Variants in HCN1 observed in about 807,000 individuals in gnomAD.
HCN1 encodes the protein hyperpolarization activated cyclic nucleotide gated potassium channel 1, also known as potassium/sodium hyperpolarization-activated cyclic nucleotide-gated channel 1.
Under a neutral mutation model 78.9 loss-of-function variants are expected in HCN1, and 13 were observed. That is an observed-to-expected ratio of 0.16 (90% confidence interval 0.11 to 0.26). HCN1 has a LOEUF of 0.26. Ranked by LOEUF, HCN1 falls within the 10% of genes least tolerant of loss-of-function variation. The pLI, the probability that HCN1 is intolerant of heterozygous loss-of-function variation, is 1.00. For synonymous variants in HCN1, 552 were observed against 455.5 expected (o/e 1.21, Z -2.70); for missense variants, 810 against 1,154.3 (o/e 0.70, Z 4.32).
At chr5:45,653,563 C>A (rs1217813589) in intron 1 of HCN1, among the ~76,000 whole-genome samples, 1 of 151,910 alleles carries the variant, frequency 6.6e-6, no homozygotes, top group African/African-American at 2.4e-5. Flanking sequence ...AAATTAGTAT[C>A]TGCGTTAATG....
At chr5:45,370,335 C>G (rs902851817) in intron 4 of HCN1, among the ~76,000 whole-genome samples, 3 of 151,920 alleles carry the variant, frequency 2.0e-5, no homozygotes, top group Admixed American at 1.3e-4. Context: ...TCCCTATTTT[C>G]CTGCCTTAAA....
intron 2 of HCN1, among the ~76,000 whole-genome samples, chr5:45,538,486 G>T (rs1431380123): frequency 6.6e-6 from 1 of 152,122 alleles, no homozygotes; most frequent in Non-Finnish European, 1.5e-5. Flanking sequence ...ATTAGGAAAT[G>T]CAATTTCGTG....
chr5:45,346,726 T>C (rs147988437), intron 5 of HCN1, among the ~76,000 whole-genome samples: 4,539 of 152,298 alleles, frequency 0.03, 263 homozygotes, highest in African/African-American at 0.1. Flanking sequence ...TGCACCTGGC[T>C]TGGAGGGTCC....
At chr5:45,278,390 A>C (rs1745104503) in intron 6 of HCN1, among the ~76,000 whole-genome samples, 1 of 152,104 alleles carries the variant, frequency 6.6e-6, no homozygotes, top group African/African-American at 2.4e-5. Context: ...TCTTTGTGCA[A>C]GATAACAGAA....
At chr5:45,653,671 A>G (rs1323394126) in intron 1 of HCN1, among the ~76,000 whole-genome samples, 3 of 152,084 alleles carry the variant, frequency 2.0e-5, no homozygotes, top group African/African-American at 4.8e-5. Context: ...TTATAGCATT[A>G]CACAATTCTA....
intron 5 of HCN1, among the ~76,000 whole-genome samples, chr5:45,350,687 C>T (rs1285334652): frequency 1.3e-5 from 2 of 150,730 alleles, no homozygotes; most frequent in African/African-American, 2.4e-5. Flanking sequence ...TCTCAGGATA[C>T]AAAATCAATG....
intron 5 of HCN1, among the ~76,000 whole-genome samples, chr5:45,345,282 C>T (rs1052998517): frequency 6.6e-6 from 1 of 152,140 alleles, no homozygotes; most frequent in African/African-American, 2.4e-5. Flanking sequence ...TCCCCCTAGA[C>T]CTCCAGGTCT....
In HCN1 at chr5:45,560,779, T is replaced by C. The variant is rs566556444; in HGVS notation, c.849+84406A>G. 1.8e-3 allele frequency among the ~76,000 whole-genome samples: 270 copies of C among 152,198 alleles called. 1 individual carries two copies. Among genetic ancestry groups the C allele is most frequent in the African/African-American group, 6.2e-3 (259 of 41,582 alleles). On this transcript the variant is annotated intron_variant, in intron 2 of 7. Coordinates refer to ENST00000303230, the MANE Select transcript of HCN1 (RefSeq NM_021072.4). The stretch of plus-strand genomic sequence containing the variant: ...TCTAATGCTGTTTATCTAGTAATAA[T>C]CTGAAGACTTAACACAGTCATATTG...
intron 3 of HCN1, among the ~76,000 whole-genome samples, chr5:45,399,022 A>G (rs189788483): frequency 1.7e-4 from 26 of 152,252 alleles, no homozygotes; most frequent in Admixed American, 1.6e-3. Flanking sequence ...TTGTCTTGGA[A>G]TTTAGGTGGG....
Position 45,574,819 on chromosome 5 carries a change from G to C in HCN1, c.849+70366C>G, listed in dbSNP as rs556899633. ...CTTGCTGTTGATGTGGAGAAAGTTT[G>C]AGTGGTCTGGATAGAAGATCAAATC... On this transcript the variant is annotated intron_variant, in intron 2 of 7. Transcript: ENST00000303230. The C allele has an allele frequency of 2.0e-5, 3 of 152,318 alleles. No individual in the cohort carries two copies. The East Asian group carries it at 5.8e-4, about 29-fold the overall frequency. 9.4% of individuals were successfully genotyped at this position (152,318 alleles called of 1,614,324 possible).
At chr5:45,690,937 A>C (rs1268266783) in intron 1 of HCN1, among the ~76,000 whole-genome samples, 1 of 152,100 alleles carries the variant, frequency 6.6e-6, no homozygotes, top group African/African-American at 2.4e-5. Context: ...TTATCTGCTA[A>C]ACACAAGAAT....
At chr5:45,605,625 T>C (rs1031994223) in intron 2 of HCN1, among the ~76,000 whole-genome samples, 3 of 152,002 alleles carry the variant, frequency 2.0e-5, no homozygotes, top group Non-Finnish European at 4.4e-5. Context: ...TTGTACATTG[T>C]ACATGAGTAC....
At chr5:45,326,052 A>G (rs1438263614) in intron 5 of HCN1, among the ~76,000 whole-genome samples, 1 of 151,608 alleles carries the variant, frequency 6.6e-6, no homozygotes, top group Non-Finnish European at 1.5e-5. Context: ...CTCCCCTTTC[A>G]TTAAGATTAA....
chr5:45,364,970 T>C (rs1269310982), intron 4 of HCN1, among the ~76,000 whole-genome samples: 1 of 152,076 alleles, frequency 6.6e-6, no homozygotes, highest in East Asian at 1.9e-4. Context: ...CACACTATTA[T>C]AATTTCTACT....
chr5:45,318,018 G>A (rs150172861), intron 5 of HCN1, among the ~76,000 whole-genome samples: 3,177 of 152,182 alleles, frequency 0.021, 60 homozygotes, highest in Middle Eastern at 0.065. Context: ...GATTCCTCAA[G>A]CATCTAGAAT....
At chr5:45,453,867 T>G (rs991158397) in intron 3 of HCN1, among the ~76,000 whole-genome samples, 4 of 152,162 alleles carry the variant, frequency 2.6e-5, no homozygotes, top group African/African-American at 9.6e-5. Context: ...TCTAGCAAAT[T>G]AATCATTTTG....
intron 2 of HCN1, among the ~76,000 whole-genome samples, chr5:45,580,631 GC>G (rs1744045503): frequency 6.6e-6 from 1 of 152,042 alleles, no homozygotes; most frequent in African/African-American, 2.4e-5. Flanking sequence ...TAGGTGTGCT[GC>G]ACCCATTAAC....
intron 1 of HCN1, among the ~76,000 whole-genome samples, chr5:45,664,381 G>C (rs1268504393): frequency 9.4e-5 from 13 of 138,748 alleles, no homozygotes; most frequent in South Asian, 4.6e-4. Context: ...TGGGTGCAGC[G>C]CACCAGCATG....
intron 2 of HCN1, among the ~76,000 whole-genome samples, chr5:45,553,284 C>T (rs1393222562): frequency 6.6e-6 from 1 of 151,824 alleles, no homozygotes; most frequent in Non-Finnish European, 1.5e-5. Flanking sequence ...AAATCATTTA[C>T]CGTCCCCTAG....
Sources: gnomAD v4.1 joint callset for allele counts (sites outside exome capture counted in the v4.1 genomes callset) on GRCh38, gnomAD v4.1.1 for gene constraint, MANE v1.5 for transcripts, NCBI Gene and HGNC (gene_info 2026-07-23, HGNC 2026-07-21) for gene names.